Variants in OPHN1 observed in about 807,000 individuals in gnomAD.
The protein encoded by OPHN1 is oligophrenin 1.
Under a neutral mutation model 60.7 loss-of-function variants are expected in OPHN1, and 11 were observed. The observed-to-expected ratio is 0.18, with a 90% CI of 0.11 to 0.30. The LOEUF (loss-of-function observed/expected upper bound fraction) is 0.30. Among genes scored for constraint, OPHN1 ranks in the 10% least tolerant of loss-of-function variants. The pLI, the probability that OPHN1 is intolerant of heterozygous loss-of-function variation, is 1.00. For synonymous variants in OPHN1, 226 were observed against 222.6 expected (o/e 1.02, Z -0.14); for missense variants, 449 against 611.0 (o/e 0.73, Z 2.80).
chrX:68,073,316 A>C lies in OPHN1; in HGVS notation c.1687-17T>G. 1 of 1,188,207 alleles carries C rather than the reference A, an allele frequency of 8.4e-7. No individual in the cohort carries two copies. The highest frequency in any genetic ancestry group is 1.1e-6 in the Non-Finnish European group (1 of 881,697). On this transcript the variant is annotated splice_polypyrimidine_tract_variant and intron_variant, in intron 19 of 24. Coordinates refer to ENST00000355520, the MANE Select transcript of OPHN1 (RefSeq NM_002547.3). ...TAAATAGATCTGTGGAGAAAGAAGGAAGATATCTAGAGAATAATTAGATCA... is the reference window on the plus strand; with the variant it reads ...TAAATAGATCTGTGGAGAAAGAAGGCAGATATCTAGAGAATAATTAGATCA...
At chrX:68,165,032 G>T (rs1315557964) in intron 15 of OPHN1, among the ~76,000 whole-genome samples, 4 of 111,800 alleles carry the variant, frequency 3.6e-5, no homozygotes, top group Non-Finnish European at 5.6e-5. Context: ...AAGCTTCAAA[G>T]AATTGAAGAG....
At chrX:68,107,621 C>T (rs556791049) in intron 18 of OPHN1, among the ~76,000 whole-genome samples, 2 of 111,126 alleles carry the variant, frequency 1.8e-5, no homozygotes, top group African/African-American at 3.3e-5. Flanking sequence ...GGATTACAGG[C>T]ATCCACCATC....
intron 15 of OPHN1, among the ~76,000 whole-genome samples, chrX:68,126,041 T>G (rs528738540): frequency 7.9e-5 from 8 of 101,709 alleles, no homozygotes; most frequent in Middle Eastern, 0.01. Context: ...TCCTTCATCA[T>G]GACCAAGTGG....
At chrX:68,052,640 G>C (rs377457589) in intron 22 of OPHN1, 50 bp from the exon 23 acceptor site, 2 of 1,067,775 alleles carry the variant, frequency 1.9e-6, no homozygotes, top group African/African-American at 3.7e-5. Flanking sequence ...GTATACACGT[G>C]AGAACCAATG....
chrX:68,206,539 C>G (rs1438499502), intron 10 of OPHN1, 34 bp downstream of exon 10: 2 of 1,018,773 alleles, frequency 2.0e-6, no homozygotes, highest in African/African-American at 3.7e-5. Flanking sequence ...GTCATAGATC[C>G]ATTTCCAAAA....
In OPHN1 at chrX:68,161,595, T is replaced by A. The variant is rs1434844759; in HGVS notation, c.1276+31324A>T. On this transcript the variant is annotated intron_variant, in intron 15 of 24. Transcript: ENST00000355520. ...CAGAAAATAAAAAAATGATAAAGAT[T>A]TAGTACAAAGGAACAATCTTTACAC... Among the ~76,000 whole-genome samples, 4 of 110,794 alleles carry A rather than the reference T, an allele frequency of 3.6e-5. No individual in the cohort carries two copies. The Admixed American group carries it at 3.8e-4, about 11-fold the overall frequency.
intron 15 of OPHN1, among the ~76,000 whole-genome samples, chrX:68,187,588 T>C (rs2077468387): frequency 9.0e-6 from 1 of 110,784 alleles, no homozygotes; most frequent in South Asian, 3.9e-4. Flanking sequence ...CCTCCAGAAC[T>C]ATAAGAGGAT....
chrX:68,158,864 C>T (rs2077321749), intron 15 of OPHN1, among the ~76,000 whole-genome samples: 1 of 112,058 alleles, frequency 8.9e-6, no homozygotes, highest in Non-Finnish European at 1.9e-5. Context: ...AGTCACAGGA[C>T]GGAAGCTCTA....
chrX:68,404,707 C>T lies in OPHN1; in HGVS notation c.154+28160G>A, dbSNP rs776885163. ...AAAAGGAATGAAATTCTGACACATT[C>T]GGGTAGGAGAATAGAAACTTAAAAA... On this transcript the variant is annotated intron_variant, in intron 2 of 24. Coordinates refer to ENST00000355520, the MANE Select transcript of OPHN1 (RefSeq NM_002547.3). Among the ~76,000 whole-genome samples, 9 of 111,111 alleles carry T rather than the reference C, an allele frequency of 8.1e-5. No individual in the cohort carries two copies. In the East Asian group the frequency reaches 1.7e-3, roughly 21 times the overall value.
At chrX:68,182,813 G>A (rs2077444430) in intron 15 of OPHN1, among the ~76,000 whole-genome samples, 1 of 111,747 alleles carries the variant, frequency 8.9e-6, no homozygotes, top group African/African-American at 3.3e-5. Flanking sequence ...TCTGGAGGTT[G>A]AGGCACAAGG....
chrX:68,237,631 T>C (rs992440823), intron 5 of OPHN1, among the ~76,000 whole-genome samples: 2 of 112,425 alleles, frequency 1.8e-5, no homozygotes, highest in African/African-American at 6.5e-5. Context: ...ATTGTTTTCT[T>C]AATGTTCACA....
intron 21 of OPHN1, among the ~76,000 whole-genome samples, chrX:68,058,817 A>T (rs2076882874): frequency 8.9e-6 from 1 of 112,111 alleles, no homozygotes; most frequent in Non-Finnish European, 1.9e-5. Context: ...TGGCTCAAAG[A>T]AGTAAAGCTG....
At chrX:68,178,911 G>A (rs964458766) in intron 15 of OPHN1, among the ~76,000 whole-genome samples, 1 of 111,778 alleles carries the variant, frequency 8.9e-6, no homozygotes, top group African/African-American at 3.3e-5. Context: ...TTAATTTCCA[G>A]ATATTTTTCA....
intron 5 of OPHN1, among the ~76,000 whole-genome samples, chrX:68,264,002 T>C (rs1042527747): frequency 8.1e-5 from 9 of 111,768 alleles, no homozygotes; most frequent in Non-Finnish European, 1.7e-4. Flanking sequence ...AAATATTTAG[T>C]TAATTACCCT....
At chrX:68,370,829 G>T (rs887566695) in intron 2 of OPHN1, among the ~76,000 whole-genome samples, 2 of 110,729 alleles carry the variant, frequency 1.8e-5, no homozygotes, top group Admixed American at 1.9e-4. Flanking sequence ...ATAAATTTAG[G>T]ATGTTAAAAG....
At chrX:68,319,684 C>T (rs977334934) in intron 2 of OPHN1, among the ~76,000 whole-genome samples, 1 of 109,250 alleles carries the variant, frequency 9.2e-6, no homozygotes, top group South Asian at 4.0e-4. Flanking sequence ...TGCAGTGAGC[C>T]GGGATCTAGC....
intron 15 of OPHN1, among the ~76,000 whole-genome samples, chrX:68,157,971 C>T (rs773720721): frequency 4.5e-5 from 5 of 110,803 alleles, no homozygotes; most frequent in African/African-American, 6.6e-5. Context: ...TTCTTTGAGA[C>T]GGAGTCTCGC....
At chrX:68,076,699 T>G (rs1336061551) in intron 19 of OPHN1, among the ~76,000 whole-genome samples, 1 of 112,006 alleles carries the variant, frequency 8.9e-6, no homozygotes, top group African/African-American at 3.2e-5. Flanking sequence ...AGAAAACATA[T>G]AGTCGTACAG....
chrX:68,154,861 C>CCACACACA (rs60627495), intron 15 of OPHN1, among the ~76,000 whole-genome samples: 3,413 of 94,276 alleles, frequency 0.036, 118 homozygotes, highest in African/African-American at 0.096. Context: ...ATAGTACACA[C>CCACACACA]CACACACACA....
Sources: gnomAD v4.1 joint callset for allele counts (sites outside exome capture counted in the v4.1 genomes callset) on GRCh38, gnomAD v4.1.1 for gene constraint, MANE v1.5 for transcripts, NCBI Gene and HGNC (gene_info 2026-07-23, HGNC 2026-07-21) for gene names.